The following DMD variants were observed in gnomAD, a reference collection of about 807,000 sequenced individuals.
DMD encodes mutant dystrophin.
In DMD, 63 loss-of-function variants were observed where a neutral mutation model predicts 330.1. That is an observed-to-expected ratio of 0.19 (90% CI 0.16 to 0.24). The LOEUF (loss-of-function observed/expected upper bound fraction) is 0.24, where lower values mean the gene tolerates loss of function less well. Ranked by LOEUF, DMD falls within the 10% of genes least tolerant of loss-of-function variation. DMD has a pLI of 1.00. For synonymous variants in DMD, 1,223 were observed against 959.8 expected (o/e 1.27, Z -5.07); for missense variants, 3,344 against 2,684.1 (o/e 1.25, Z -5.43).
At chrX:32,018,677 A>G (rs2095785235) in intron 44 of DMD, among the ~76,000 whole-genome samples, 1 of 111,893 alleles carries the variant, frequency 8.9e-6, no homozygotes, top group African/African-American at 3.3e-5. Flanking sequence ...ATATAGTTCC[A>G]GAGCTATGTA....
intron 59 of DMD, among the ~76,000 whole-genome samples, chrX:31,451,805 G>A (rs1716175117): frequency 9.4e-6 from 1 of 106,349 alleles, no homozygotes; most frequent in Non-Finnish European, 1.9e-5. Context: ...AGACATTCTC[G>A]ACAATAAATT....
At chrX:32,503,041 T>A (rs2044219877) in intron 18 of DMD, among the ~76,000 whole-genome samples, 1 of 112,123 alleles carries the variant, frequency 8.9e-6, no homozygotes, top group East Asian at 2.8e-4. Context: ...AATTTAAAGG[T>A]TACATGTGAC....
In DMD at chrX:31,989,143, C is replaced by G. The variant is rs1341287146; in HGVS notation, c.6439-20629G>C. On this transcript the variant is annotated intron_variant, in intron 44 of 78. Transcript: ENST00000357033. ...GACTTAGGTCCTCAATTGATTGGAT[C>G]AGACCCACCCACACAAGGGAGAACA... Among the ~76,000 whole-genome samples, 4 of 111,847 alleles carry G rather than the reference C, an allele frequency of 3.6e-5. No individual in the cohort carries two copies. In the East Asian group the frequency reaches 1.1e-3, roughly 32 times the overall value.
At chrX:31,535,947 T>A (rs1231958331) in intron 55 of DMD, among the ~76,000 whole-genome samples, 3 of 112,171 alleles carry the variant, frequency 2.7e-5, no homozygotes, top group African/African-American at 9.7e-5. Flanking sequence ...TCCTAGTACA[T>A]GATGAACAAG....
intron 51 of DMD, among the ~76,000 whole-genome samples, chrX:31,736,711 G>A (rs919941262): frequency 1.8e-5 from 2 of 111,053 alleles, no homozygotes; most frequent in African/African-American, 3.3e-5. Context: ...ATAATACAAT[G>A]GGAAGTAATG....
chrX:32,743,926 A>G (rs1364414587), intron 7 of DMD, among the ~76,000 whole-genome samples: 1 of 111,384 alleles, frequency 9.0e-6, no homozygotes, highest in Non-Finnish European at 1.9e-5. Flanking sequence ...TATATATTTT[A>G]CATAAAAAAA....
chrX:32,464,317 C>T (rs776054917), intron 24 of DMD, among the ~76,000 whole-genome samples: 2 of 111,012 alleles, frequency 1.8e-5, no homozygotes, highest in Admixed American at 9.7e-5. Flanking sequence ...GCACTAGTGA[C>T]ATTTTAGATT....
Position 32,573,778 on chromosome X carries a change from G to A in DMD, c.1671C>T (p.Ile557=), listed in dbSNP as rs1159051532. The part of the protein sequence containing the change: ...TEDRWVLLQD[I]LLKWQRLTEE... ...CAGTAAGACGTTGCCATTTGAGAAG[G>A]ATGTCTTGTAAAAGAACCCAGCGGT... Residue 557 remains isoleucine, a synonymous_variant, in exon 14 of 79, where the codon ATC becomes ATT. Coordinates refer to ENST00000357033, the MANE Select transcript of DMD (RefSeq NM_004006.3). 8.3e-7 allele frequency: 1 copy of A among 1,210,020 alleles called. No homozygotes were observed. The highest frequency in any genetic ancestry group is 1.1e-6 in the Non-Finnish European group (1 of 895,183).
rs1336274148 is a variant in DMD, at chrX:32,344,873, T to A, written c.5586+1070A>T. On this transcript the variant is annotated intron_variant, in intron 39 of 78. Coordinates refer to ENST00000357033, the MANE Select transcript of DMD (RefSeq NM_004006.3). Reference sequence around the variant, plus strand: ...ATAGCGTTCCGATTTTCTAGACACATTATGGTGTGCTTTTGCACTCCCTCG... The same window carrying A: ...ATAGCGTTCCGATTTTCTAGACACAATATGGTGTGCTTTTGCACTCCCTCG... 2.7e-5 allele frequency among the ~76,000 whole-genome samples: 3 copies of A among 111,430 alleles called. No homozygotes were observed. The East Asian group carries it at 8.5e-4, about 32-fold the overall frequency.
chrX:32,130,562 C>A (rs1391240589), intron 44 of DMD, among the ~76,000 whole-genome samples: 5 of 111,405 alleles, frequency 4.5e-5, no homozygotes, highest in Non-Finnish European at 9.4e-5. Flanking sequence ...TTACAACGTC[C>A]CGGAAGACTG....
intron 2 of DMD, among the ~76,000 whole-genome samples, chrX:32,935,150 T>G (rs918407471): frequency 8.9e-6 from 1 of 112,698 alleles, no homozygotes; most frequent in Non-Finnish European, 1.9e-5. Flanking sequence ...CGCTAATTTC[T>G]TGTATTTTTA....
intron 1 of DMD, among the ~76,000 whole-genome samples, chrX:33,320,071 T>C (rs2053993351): frequency 9.0e-6 from 1 of 111,486 alleles, no homozygotes; most frequent in Admixed American, 9.6e-5. Flanking sequence ...TCTCACAATA[T>C]TGTATAGAGA....
intron 4 of DMD, among the ~76,000 whole-genome samples, chrX:32,841,971 T>C (rs1310616075): frequency 8.9e-6 from 1 of 112,239 alleles, no homozygotes; most frequent in Non-Finnish European, 1.9e-5. Flanking sequence ...TAACTCAATT[T>C]TGATGAAGTC....
intron 21 of DMD, 39 bp downstream of exon 21, chrX:32,484,879 TG>T: frequency 8.5e-7 from 1 of 1,182,375 alleles, no homozygotes; most frequent in Middle Eastern, 2.3e-4. Context: ...ATAACCATTT[TG>T]GAAAATGTCA....
chrX:31,415,602 T>C (rs1316991648), intron 60 of DMD, among the ~76,000 whole-genome samples: 4 of 112,093 alleles, frequency 3.6e-5, no homozygotes, highest in Non-Finnish European at 7.5e-5. Flanking sequence ...CTCATCATCG[T>C]AGCCAAAGTC....
At chrX:32,833,710 A>G (rs1195650974) in intron 4 of DMD, among the ~76,000 whole-genome samples, 451 of 94,844 alleles carry the variant, frequency 4.8e-3, no homozygotes, top group African/African-American at 0.016. Flanking sequence ...AAAAAAAAAA[A>G]GCAATAGCTA....
chrX:32,721,981 AT>A (rs1336830332), intron 7 of DMD, among the ~76,000 whole-genome samples: 1 of 109,145 alleles, frequency 9.2e-6, no homozygotes, highest in Non-Finnish European at 1.9e-5. Context: ...GCTTAGGTTT[AT>A]TTGTGAGATC....
chrX:32,558,592 G>C (rs1435734), intron 16 of DMD, among the ~76,000 whole-genome samples: 58,457 of 110,000 alleles, frequency 0.53, 12,716 homozygotes, highest in African/African-American at 0.84. Flanking sequence ...TGCCTTTCCA[G>C]TGGCAAAAGT....
In DMD at chrX:31,459,182, C is replaced by T. The variant is rs111947260; in HGVS notation, c.8938-14555G>A. Among the ~76,000 whole-genome samples, 292 of 111,413 alleles carry T rather than the reference C, an allele frequency of 2.6e-3. 1 individual carries two copies. Among genetic ancestry groups the T allele is most frequent in the African/African-American group, 8.8e-3 (272 of 30,794 alleles). ...GAAGCAGGTAAAATGCCGTTGCATA[C>T]AGTCTGCTTGCTTGGGGGCAGATAA... is the stretch of plus-strand genomic sequence containing the variant. On this transcript the variant is annotated intron_variant, in intron 59 of 78. Coordinates refer to ENST00000357033, the MANE Select transcript of DMD (RefSeq NM_004006.3).
Sources: gnomAD v4.1 joint callset for allele counts (sites outside exome capture counted in the v4.1 genomes callset) on GRCh38, gnomAD v4.1.1 for gene constraint, MANE v1.5 for transcripts, NCBI Gene and HGNC (gene_info 2026-07-23, HGNC 2026-07-21) for gene names.